Variants in C1QTNF6 observed in about 807,000 individuals in gnomAD.
C1QTNF6 encodes the protein complement C1q tumor necrosis factor-related protein 6.
A neutral mutation model predicts 20.7 loss-of-function variants in C1QTNF6; 17 were observed. That is an observed-to-expected ratio of 0.82 (90% CI 0.56 to 1.23). The LOEUF is 1.23. C1QTNF6 is among the 50% of genes most tolerant of loss of function. The pLI is 0.00. For synonymous variants in C1QTNF6, 130 were observed against 156.3 expected (o/e 0.83, Z 1.25); for missense variants, 329 against 389.7 (o/e 0.84, Z 1.31).
At position 37,182,463 on chromosome 22, in the gene C1QTNF6, G is replaced by T. The variant is rs151024529; in HGVS notation, c.562C>A (p.Arg188Ser). The T allele has an allele frequency of 6.2e-7, 1 of 1,614,272 alleles. No individual in the cohort carries two copies. The highest frequency in any genetic ancestry group is 8.5e-7 in the Non-Finnish European group (1 of 1,180,050). Reference sequence around the variant, plus strand: ...TTGAGGCTGAAGAAGTAGATGCCACGCAGGGGAGCAGCAAACTGGCCGGTC... The same window carrying T: ...TTGAGGCTGAAGAAGTAGATGCCACTCAGGGGAGCAGCAAACTGGCCGGTC... Reference protein sequence around the residue: ...MATGQFAAPLRGIYFFSLNVH... With the variant: ...MATGQFAAPLSGIYFFSLNVH... Residue 188 changes from arginine to serine, a missense_variant, in exon 3 of 3, where the codon CGT becomes AGT. By Grantham distance (110) the Arg-to-Ser change is moderately radical (BLOSUM62 -1). Transcript: ENST00000337843.
Position 37,181,957 on chromosome 22 carries a change from T to C in C1QTNF6, c.*231A>G. ...GTGCTGGGCTACGAGGCTGGGAAAG[T>C]TCTAGAATATTTAGGTTAGCAAGCT... On this transcript the variant is annotated 3_prime_UTR_variant, in exon 3 of 3. Coordinates refer to ENST00000337843, the MANE Select transcript of C1QTNF6 (RefSeq NM_031910.4). 1 of 556,108 alleles carries C rather than the reference T, an allele frequency of 1.8e-6. No individual in the cohort carries two copies. The highest frequency in any genetic ancestry group is 3.1e-6 in the Non-Finnish European group (1 of 317,996). 34.4% of individuals were successfully genotyped at this position (556,108 alleles called of 1,614,324 possible). A position where few individuals can be genotyped will look rare whatever the true frequency, so the allele number is the denominator to read the frequency against.
chr22:37,188,312 AGAGGGCGGAGG>A (rs962169412), upstream of C1QTNF6: 110 of 881,484 alleles, frequency 1.2e-4, 3 homozygotes, highest in South Asian at 4.3e-4. Context: ...ATGGAGGGAG[AGAGGGCGGAGG>A]GAGGGCGGAG....
In C1QTNF6 at chr22:37,185,247, C is replaced by A; in HGVS notation, c.260G>T (p.Arg87Ile). Residue 87 changes from arginine to isoleucine, a missense_variant, in exon 2 of 3, where the codon AGA becomes ATA. Coordinates refer to ENST00000337843, the MANE Select transcript of C1QTNF6 (RefSeq NM_031910.4). Reference protein sequence around the residue: ...SGRPHALPEIRPYINITILKG... With the variant: ...SGRPHALPEIIPYINITILKG... ...CAGGATGGTGATATTAATGTAGGGT[C>A]TGATCTCAGGCAGGGCGTGGGGGCG... The A allele has an allele frequency of 6.3e-7, 1 of 1,592,578 alleles. No homozygotes were observed. Among genetic ancestry groups the A allele is most frequent in the Non-Finnish European group, 8.6e-7 (1 of 1,167,350 alleles).
At chr22:37,191,941 T>G (rs576788984), upstream of C1QTNF6, among the ~76,000 whole-genome samples, 1 of 152,352 alleles carries the variant, frequency 6.6e-6, no homozygotes, top group African/African-American at 2.4e-5. Flanking sequence ...TATAGCTCTT[T>G]ACAATTTTCT....
upstream of C1QTNF6, among the ~76,000 whole-genome samples, chr22:37,190,228 A>G (rs1214306243): frequency 6.6e-6 from 1 of 152,238 alleles, no homozygotes; most frequent in Non-Finnish European, 1.5e-5. Context: ...TGGTAGGACC[A>G]ATTTATTTGC....
upstream of C1QTNF6, chr22:37,198,354 A>C (rs1925276893): frequency 1.3e-5 from 2 of 152,136 alleles, no homozygotes; most frequent in Non-Finnish European, 2.9e-5. Context: ...GAGATAGATG[A>C]GGCACATACT....
Position 37,182,161 on chromosome 22 carries a change from C to T in C1QTNF6, c.*27G>A, listed in dbSNP as rs1923819984. The T allele has an allele frequency of 6.3e-7, 1 of 1,586,700 alleles. No homozygotes were observed. Among genetic ancestry groups the T allele is most frequent in the Non-Finnish European group, 8.6e-7 (1 of 1,165,278 alleles). On this transcript the variant is annotated 3_prime_UTR_variant, in exon 3 of 3. Transcript: ENST00000337843. ...GGGACGGGACCAGCACCTGAGCTCT[C>T]CAGCCGGGAGGGTGGCCCAGAGGCC... is the stretch of plus-strand genomic sequence containing the variant.
chr22:37,184,523 C>CT lies in C1QTNF6; in HGVS notation c.289+694_289+695insA. ...CTGGACGGGCCCTCACCTGGACAGC[C>CT]CTCACCTGGACAGCCCTCACCTGGA... On this transcript the variant is annotated intron_variant, in intron 2 of 2. Transcript: ENST00000337843. This position sits in a 1 kb window ranked among gnomAD's most constrained non-coding sequence, Gnocchi z 4.0. 3 of 710,868 alleles carry CT rather than the reference C, an allele frequency of 4.2e-6. No homozygotes were observed. The highest frequency in any genetic ancestry group is 7.8e-6 in the Non-Finnish European group (3 of 382,952). 44.0% of individuals were successfully genotyped at this position (710,868 alleles called of 1,614,324 possible). A position where few individuals can be genotyped will look rare whatever the true frequency, so the allele number is the denominator to read the frequency against.
Position 37,182,010 on chromosome 22 carries a change from A to G in C1QTNF6, c.*178T>C, listed in dbSNP as rs1394926653. 6 of 659,752 alleles carry G rather than the reference A, an allele frequency of 9.1e-6. No individual in the cohort carries two copies. Among genetic ancestry groups the G allele is most frequent in the Non-Finnish European group, 1.5e-5 (6 of 395,240 alleles). The allele number at this position is 659,752 out of a possible 1,614,324, so 40.9% of individuals were successfully genotyped here. On this transcript the variant is annotated 3_prime_UTR_variant, in exon 3 of 3. Transcript: ENST00000337843. ...TTAAAATAGGTCCAAGAGAGAAGAGAGGAGCAGAAATAGGCTGGGAGGGAT... is the reference window on the plus strand; with the variant it reads ...TTAAAATAGGTCCAAGAGAGAAGAGGGGAGCAGAAATAGGCTGGGAGGGAT...
At chr22:37,183,769 C>A (rs1303740242) in intron 2 of C1QTNF6, among the ~76,000 whole-genome samples, 1 of 152,256 alleles carries the variant, frequency 6.6e-6, no homozygotes, top group Admixed American at 6.5e-5. Context: ...ACGTCCTCAC[C>A]TGCACAGCTC....
Position 37,180,518 on chromosome 22 carries a change from C to G in C1QTNF6, c.*1670G>C, listed in dbSNP as rs1262110983. 1.3e-5 allele frequency: 2 copies of G among 152,742 alleles called. No individual in the cohort carries two copies. Among genetic ancestry groups the G allele is most frequent in the Non-Finnish European group, 2.9e-5 (2 of 68,136 alleles). The allele number at this position is 152,742 out of a possible 1,614,324, so 9.5% of individuals were successfully genotyped here. On this transcript the variant is annotated 3_prime_UTR_variant, in exon 3 of 3. Coordinates refer to ENST00000337843, the MANE Select transcript of C1QTNF6 (RefSeq NM_031910.4). ...CCCTCCTTTGCTCTAGCTCCCCAGA[C>G]CTGCTGAGGGCTCTAAAGCCTGGGG...
At chr22:37,186,180 T>C (rs1400996272) in intron 1 of C1QTNF6, 21 of 975,230 alleles carry the variant, frequency 2.2e-5, no homozygotes, top group Non-Finnish European at 2.3e-5. Flanking sequence ...ACTGGGTCCT[T>C]GACTGCAGCC....
intron 2 of C1QTNF6, chr22:37,182,980 G>T: frequency 7.4e-7 from 1 of 1,352,778 alleles, no homozygotes; most frequent in Non-Finnish European, 9.5e-7. Flanking sequence ...AGGAGCAGAA[G>T]AGGCAGGACT....
intron 1 of C1QTNF6, chr22:37,196,875 G>A (rs912732464): frequency 6.6e-5 from 10 of 152,288 alleles, no homozygotes; most frequent in African/African-American, 2.4e-4. Context: ...CCTCAACCAG[G>A]GCTCATCCTT....
intron 1 of C1QTNF6, among the ~76,000 whole-genome samples, chr22:37,186,487 T>C (rs1165217167): frequency 6.6e-6 from 1 of 152,178 alleles, no homozygotes; most frequent in African/African-American, 2.4e-5. Context: ...AAATTGGAAT[T>C]AAGGGGTAGG....
chr22:37,189,607 T>C (rs1410980299), upstream of C1QTNF6, among the ~76,000 whole-genome samples: 1 of 152,200 alleles, frequency 6.6e-6, no homozygotes, highest in Non-Finnish European at 1.5e-5. Context: ...TATTAGAGTC[T>C]CTTGGGTTTG....
At chr22:37,186,981 C>T (rs1924404582) in intron 1 of C1QTNF6, among the ~76,000 whole-genome samples, 1 of 152,058 alleles carries the variant, frequency 6.6e-6, no homozygotes, top group African/African-American at 2.4e-5. Flanking sequence ...TTTGGGAGGC[C>T]ACGGAGAGAG....
chr22:37,185,905 ATC>A (rs1363134994), intron 1 of C1QTNF6: 72 of 986,590 alleles, frequency 7.3e-5, no homozygotes, highest in Non-Finnish European at 8.1e-5. Context: ...CGACTCCACT[ATC>A]TCCAGCAAAC....
intron 1 of C1QTNF6, among the ~76,000 whole-genome samples, chr22:37,186,924 G>A (rs764926444): frequency 4.3e-4 from 66 of 152,134 alleles, no homozygotes; most frequent in Admixed American, 9.2e-4. Context: ...GAGTTTTAAA[G>A]GGGCAGGATG....
Sources: gnomAD v4.1 joint callset for allele counts (sites outside exome capture counted in the v4.1 genomes callset) on GRCh38, gnomAD v4.1.1 for gene constraint, Gnocchi (gnomAD v3.1) non-coding constraint, MANE v1.5 for transcripts, NCBI Gene and HGNC (gene_info 2026-07-23, HGNC 2026-07-21) for gene names.